Variants in RNLS observed in about 807,000 individuals in gnomAD.
RNLS encodes the protein renalase, FAD dependent amine oxidase.
A neutral mutation model predicts 39.8 loss-of-function variants in RNLS; 39 were observed. The observed-to-expected ratio is 0.98, with a 90% CI of 0.76 to 1.28. The LOEUF is 1.28. Among genes scored for constraint, RNLS ranks in the 50% most tolerant of loss-of-function variants. RNLS has a pLI of 0.00. For missense variants in RNLS, 410 were observed against 413.3 expected (o/e 0.99, Z 0.07); for synonymous variants, 147 against 150.7 (o/e 0.98, Z 0.18).
intron 4 of RNLS, among the ~76,000 whole-genome samples, chr10:88,518,879 T>C (rs533777811): frequency 1.3e-5 from 2 of 152,114 alleles, no homozygotes; most frequent in South Asian, 4.1e-4. Flanking sequence ...TAAGTGACCC[T>C]CCTCATTAGT....
At chr10:88,451,570 T>G (rs1288432009) in intron 4 of RNLS, among the ~76,000 whole-genome samples, 1 of 152,192 alleles carries the variant, frequency 6.6e-6, no homozygotes, top group Non-Finnish European at 1.5e-5. Flanking sequence ...CTGGGTAATA[T>G]GCAATGTAAA....
chr10:88,399,782 G>A (rs1589728917), intron 4 of RNLS, among the ~76,000 whole-genome samples: 1 of 152,036 alleles, frequency 6.6e-6, no homozygotes, highest in East Asian at 1.9e-4. Flanking sequence ...CAATGGGTTG[G>A]TATTAGCTCC....
intron 6 of RNLS, among the ~76,000 whole-genome samples, chr10:88,310,137 G>A (rs1156638134): frequency 6.6e-6 from 1 of 152,110 alleles, no homozygotes; most frequent in Non-Finnish European, 1.5e-5. Flanking sequence ...GCTTGAGCCG[G>A]GGAAGTCGAG....
chr10:88,231,968 G>GTGTGTC, the RNLS span, among the ~76,000 whole-genome samples: 524 of 142,292 alleles, frequency 3.7e-3, 1 homozygote, highest in Non-Finnish European at 6.8e-3. Context: ...GTGTGTGTGT[G>GTGTGTC]TGTCTGTCTC....
At chr10:88,373,394 T>C (rs778821328) in intron 4 of RNLS, among the ~76,000 whole-genome samples, 2 of 152,066 alleles carry the variant, frequency 1.3e-5, no homozygotes, top group Non-Finnish European at 2.9e-5. Flanking sequence ...TCTGTTTACA[T>C]AATAACAACT....
At chr10:88,270,086 A>G (rs1429738287), downstream of RNLS, among the ~76,000 whole-genome samples, 1 of 152,198 alleles carries the variant, frequency 6.6e-6, no homozygotes, top group Non-Finnish European at 1.5e-5. Context: ...AAGAAGAGTC[A>G]TTTCTTTAAG....
chr10:88,334,388 C>A (rs1205847159), intron 5 of RNLS, among the ~76,000 whole-genome samples: 1 of 152,194 alleles, frequency 6.6e-6, no homozygotes, highest in Non-Finnish European at 1.5e-5. Context: ...AACAACAATG[C>A]CAACCTCAGG....
At chr10:88,539,361 C>T (rs1280308625) in intron 4 of RNLS, among the ~76,000 whole-genome samples, 8 of 152,004 alleles carry the variant, frequency 5.3e-5, no homozygotes, top group Admixed American at 3.9e-4. Context: ...ATTAAGATGA[C>T]AAAGGAGAAT....
exon 7 of RNLS, chr10:88,274,006 GT>G (rs1842725506): frequency 6.6e-6 from 1 of 152,180 alleles, no homozygotes; most frequent in East Asian, 1.9e-4. Context: ...ATATATATTT[GT>G]GTGTGTGTAT....
chr10:88,254,707 C>T, the RNLS span, among the ~76,000 whole-genome samples: 6 of 152,236 alleles, frequency 3.9e-5, no homozygotes, highest in South Asian at 2.1e-4. Context: ...ATTTACACAC[C>T]GGGTATTTAA....
At chr10:88,475,318 TG>T (rs1413738803) in intron 4 of RNLS, among the ~76,000 whole-genome samples, 1 of 152,202 alleles carries the variant, frequency 6.6e-6, no homozygotes. Context: ...GAAAGGCATC[TG>T]GAACTGAGTG....
the RNLS span, among the ~76,000 whole-genome samples, chr10:88,199,908 C>G: frequency 6.6e-6 from 1 of 152,146 alleles, no homozygotes; most frequent in African/African-American, 2.4e-5. Context: ...GCAGGAGGAT[C>G]CCTTCAGCCC....
At chr10:88,443,728 C>T (rs1362996000) in intron 4 of RNLS, among the ~76,000 whole-genome samples, 3 of 152,228 alleles carry the variant, frequency 2.0e-5, no homozygotes, top group Non-Finnish European at 4.4e-5. Flanking sequence ...TTGTAGCTAG[C>T]ACAGCAGTCT....
chr10:88,196,851 A>G, the RNLS span, among the ~76,000 whole-genome samples: 110,875 of 152,136 alleles, frequency 0.73, 40,826 homozygotes, highest in Non-Finnish European at 0.79. Flanking sequence ...CAATCCCCTC[A>G]TCTCTCCAGT....
At chr10:88,408,206 T>C (rs900963770) in intron 4 of RNLS, among the ~76,000 whole-genome samples, 4 of 152,138 alleles carry the variant, frequency 2.6e-5, no homozygotes, top group African/African-American at 9.6e-5. Context: ...CAATTGAATG[T>C]GAAAGCTTTT....
chr10:88,252,784 T>G, the RNLS span, among the ~76,000 whole-genome samples: 1 of 152,274 alleles, frequency 6.6e-6, no homozygotes, highest in South Asian at 2.1e-4. Context: ...ACCGGGCACA[T>G]AGTAGGTGCC....
chr10:88,460,891 A>G (rs2133937126), intron 4 of RNLS, among the ~76,000 whole-genome samples: 1 of 152,192 alleles, frequency 6.6e-6, no homozygotes, highest in East Asian at 1.9e-4. Context: ...CTCTGTAGCA[A>G]AAGGACTTGG....
chr10:88,318,554 G>C (rs1048429345), intron 5 of RNLS, among the ~76,000 whole-genome samples: 1 of 152,200 alleles, frequency 6.6e-6, no homozygotes, highest in Admixed American at 6.5e-5. Flanking sequence ...GCTTGGGCTT[G>C]CACAAAGGGC....
intron 4 of RNLS, among the ~76,000 whole-genome samples, chr10:88,519,615 C>T (rs1952122): frequency 0.37 from 55,260 of 150,768 alleles, 11,413 homozygotes; most frequent in African/African-American, 0.56. Flanking sequence ...TAATGTCCTA[C>T]AAAGCCCTTC....
Sources: allele counts gnomAD v4.1 joint callset (sites outside exome capture counted in the v4.1 genomes callset), GRCh38; gene constraint gnomAD v4.1.1; transcripts MANE v1.5; gene names NCBI Gene and HGNC (gene_info 2026-07-23, HGNC 2026-07-21).